The following HOXB1 variants were observed in gnomAD, a reference collection of about 807,000 sequenced individuals.
HOXB1 encodes the protein homeobox protein Hox-B1.
A neutral mutation model predicts 26.9 loss-of-function variants in HOXB1; 13 were observed. The ratio of observed to expected loss-of-function variants is 0.48; its 90% CI spans 0.31 to 0.77. HOXB1 has a LOEUF of 0.77. HOXB1 is among the 30% of genes least tolerant of loss of function. The pLI, the probability that HOXB1 is intolerant of heterozygous loss-of-function variation, is 0.04. For synonymous variants in HOXB1, 168 were observed against 170.8 expected (o/e 0.98, Z 0.13); for missense variants, 366 against 403.6 (o/e 0.91, Z 0.80).
intron 1 of HOXB1, 100 bp from the exon 2 acceptor site, chr17:48,529,975 T>G: frequency 1.9e-6 from 2 of 1,049,682 alleles, no homozygotes; most frequent in Non-Finnish European, 2.8e-6. Flanking sequence ...CATTTGCCAT[T>G]CTGCCCAAGT....
chr17:48,529,987 C>T, intron 1 of HOXB1, 112 bp from the exon 2 acceptor site: 1 of 979,552 alleles, frequency 1.0e-6, no homozygotes, highest in Non-Finnish European at 1.5e-6. Flanking sequence ...TGCCCAAGTA[C>T]AGTTGTCAAA....
chr17:48,530,239 G>A lies in HOXB1; in HGVS notation c.577+89C>T. The stretch of plus-strand genomic sequence containing the variant: ...GTCTACCAGAGCCGCTGAAAGAGAA[G>A]AACCCAGCCCAGACCCAGGACATGT... On this transcript the variant is annotated intron_variant, in intron 1 of 1. Coordinates refer to ENST00000239174, the MANE Select transcript of HOXB1 (RefSeq NM_002144.4). The surrounding 1 kb of genome is among the most constrained non-coding windows in gnomAD (Gnocchi z 6.2). 1 of 1,204,912 alleles carries A rather than the reference G, an allele frequency of 8.3e-7. No homozygotes were observed. Among genetic ancestry groups the A allele is most frequent in the Non-Finnish European group, 1.2e-6 (1 of 839,520 alleles). The allele number at this position is 1,204,912 out of a possible 1,614,324, so 74.6% of individuals were successfully genotyped here.
rs1449283195 is a variant in HOXB1, at chr17:48,530,983, C to T, written c.-79G>A. ...ACAACCTTTCGGCAGTATGTCACAGCGCTGGGGCTCGAATCCATGGCCTGA... is the reference window on the plus strand; with the variant it reads ...ACAACCTTTCGGCAGTATGTCACAGTGCTGGGGCTCGAATCCATGGCCTGA... On this transcript the variant is annotated 5_prime_UTR_variant, in exon 1 of 2. Coordinates refer to ENST00000239174, the MANE Select transcript of HOXB1 (RefSeq NM_002144.4). This position sits in a 1 kb window ranked among gnomAD's most constrained non-coding sequence, Gnocchi z 6.2. 2 of 1,027,106 alleles carry T rather than the reference C, an allele frequency of 1.9e-6. No homozygotes were observed. Among genetic ancestry groups the T allele is most frequent in the East Asian group, 2.5e-5 (1 of 40,570 alleles). 63.6% of individuals were successfully genotyped at this position (1,027,106 alleles called of 1,614,324 possible). A position where few individuals can be genotyped will look rare whatever the true frequency, so the allele number is the denominator to read the frequency against.
Position 48,530,819 on chromosome 17 carries a change from G to A in HOXB1, c.86C>T (p.Thr29Ile), listed in dbSNP as rs753115367. 2.2e-6 allele frequency: 3 copies of A among 1,379,598 alleles called. No individual in the cohort carries two copies. The highest frequency in any genetic ancestry group is 2.9e-5 in the African/African-American group (2 of 69,592). 85.5% of individuals were successfully genotyped at this position (1,379,598 alleles called of 1,614,324 possible). The part of the protein sequence containing the change: ...PSAYSAHSAP[T>I]SFPPSSAQAV... ...CTGAGCCGAGCTTGGGGGAAAGGAG[G>A]TTGGGGCGCTGTGGGCGCTGTAGGC... is the stretch of plus-strand genomic sequence containing the variant. The change falls in exon 1 of 2, where the codon ACC (threonine) becomes ATC (isoleucine). Residue 29 changes from threonine (T) to isoleucine (I), a missense_variant. Coordinates refer to ENST00000239174, the MANE Select transcript of HOXB1 (RefSeq NM_002144.4). The surrounding 1 kb of genome is among the most constrained non-coding windows in gnomAD (Gnocchi z 6.2).
Position 48,530,852 on chromosome 17 carries a change from C to G in HOXB1, c.53G>C (p.Gly18Ala). 6.9e-7 allele frequency: 1 copy of G among 1,454,414 alleles called. No homozygotes were observed. Among genetic ancestry groups the G allele is most frequent in the Non-Finnish European group, 9.4e-7 (1 of 1,069,094 alleles). 90.1% of individuals were successfully genotyped at this position (1,454,414 alleles called of 1,614,324 possible). The change falls in exon 1 of 2, where the codon GGA becomes GCA. Residue 18 changes from glycine (G) to alanine (A), a missense_variant. Physicochemically the swap from Gly to Ala is moderately conservative, Grantham distance 60. Transcript: ENST00000239174. The surrounding 1 kb of genome is among the most constrained non-coding windows in gnomAD (Gnocchi z 6.2). Reference protein sequence around the residue: ...SFLEYPLCNRGPSAYSAHSAP... With the variant: ...SFLEYPLCNRAPSAYSAHSAP... ...GCTGTGGGCGCTGTAGGCGCTGGGTCCCCGGTTACAGAGTGGGTACTCTAA... is the reference window on the plus strand; with the variant it reads ...GCTGTGGGCGCTGTAGGCGCTGGGTGCCCGGTTACAGAGTGGGTACTCTAA...
rs1035100126 is a variant in HOXB1 at position 48,530,967 on chromosome 17, C to A, written c.-63G>T. ...GACACCCTCTTGCCCTACAACCTTTCGGCAGTATGTCACAGCGCTGGGGCT... is the reference window on the plus strand; with the variant it reads ...GACACCCTCTTGCCCTACAACCTTTAGGCAGTATGTCACAGCGCTGGGGCT... On this transcript the variant is annotated 5_prime_UTR_variant, in exon 1 of 2. Transcript: ENST00000239174. The surrounding 1 kb of genome is among the most constrained non-coding windows in gnomAD (Gnocchi z 6.2). 2 of 1,216,444 alleles carry A rather than the reference C, an allele frequency of 1.6e-6. No homozygotes were observed. Among genetic ancestry groups the A allele is most frequent in the African/African-American group, 1.5e-5 (1 of 65,962 alleles). The allele number at this position is 1,216,444 out of a possible 1,614,324, so 75.4% of individuals were successfully genotyped here.
rs1354583758 is a variant in HOXB1 at position 48,530,436 on chromosome 17, C to A, written c.469G>T (p.Ala157Ser). 1.2e-6 allele frequency: 2 copies of A among 1,614,156 alleles called. No homozygotes were observed. Among genetic ancestry groups the A allele is most frequent in the Admixed American group, 3.3e-5 (2 of 60,022 alleles). Residue 157 changes from alanine to serine, a missense_variant, in exon 1 of 2, where the codon GCT becomes TCT. Coordinates refer to ENST00000239174, the MANE Select transcript of HOXB1 (RefSeq NM_002144.4). This position sits in a 1 kb window ranked among gnomAD's most constrained non-coding sequence, Gnocchi z 6.2. ...EQTASFAPAY[A>S]DLLSEDKETP... The stretch of plus-strand genomic sequence containing the variant: ...TCCTTGTCCTCGGAGAGGAGATCAG[C>A]ATAGGCCGGTGCAAAGCTCGCGGTC...
rs745957228 is a variant in HOXB1 at position 48,529,638 on chromosome 17, G to A, written c.815C>T (p.Pro272Leu). ...AGCTGCCTCCTTGGGGCAGCCTGGTGGGGCTGGGGGGACCCGACCTTCCTC... is the reference window on the plus strand; with the variant it reads ...AGCTGCCTCCTTGGGGCAGCCTGGTAGGGCTGGGGGGACCCGACCTTCCTC... ...EREEGRVPPAPPGCPKEAAGD... is the reference protein window; with the variant it reads ...EREEGRVPPALPGCPKEAAGD... The change falls in exon 2 of 2, where the codon CCA (proline) becomes CTA (leucine). Residue 272 changes from proline (P) to leucine (L), a missense_variant. Transcript: ENST00000239174. 2.5e-6 allele frequency: 4 copies of A among 1,605,100 alleles called. No homozygotes were observed.
rs1442719109 is a variant in HOXB1, at chr17:48,528,542, C to G, written c.*1005G>C. On this transcript the variant is annotated 3_prime_UTR_variant, in exon 2 of 2. Transcript: ENST00000239174. Reference sequence around the variant, plus strand: ...AGGCAGGAAGAAGGGAAAACACAGACTTTATTGAAATGAGGTAGTTGCAGG... The same window carrying G: ...AGGCAGGAAGAAGGGAAAACACAGAGTTTATTGAAATGAGGTAGTTGCAGG... 2 of 152,368 alleles carry G rather than the reference C, an allele frequency of 1.3e-5. No homozygotes were observed. The highest frequency in any genetic ancestry group is 1.3e-4 in the Admixed American group (2 of 15,268). The allele number at this position is 152,368 out of a possible 1,614,324, so 9.4% of individuals were successfully genotyped here. A position where few individuals can be genotyped will look rare whatever the true frequency, so the allele number is the denominator to read the frequency against.
rs1410553376 is a variant in HOXB1, at chr17:48,530,851, T to A, written c.54A>T (p.Gly18=). Residue 18 remains glycine, a synonymous_variant, in exon 1 of 2, where the codon GGA becomes GGT. Transcript: ENST00000239174. This position sits in a 1 kb window ranked among gnomAD's most constrained non-coding sequence, Gnocchi z 6.2. Reference sequence around the variant, plus strand: ...CGCTGTGGGCGCTGTAGGCGCTGGGTCCCCGGTTACAGAGTGGGTACTCTA... The same window carrying A: ...CGCTGTGGGCGCTGTAGGCGCTGGGACCCCGGTTACAGAGTGGGTACTCTA... ...SFLEYPLCNR[G]PSAYSAHSAP... is the part of the protein sequence containing the mutation. 1 of 1,422,166 alleles carries A rather than the reference T, an allele frequency of 7.0e-7. No homozygotes were observed. The highest frequency in any genetic ancestry group is 2.1e-5 in the Admixed American group (1 of 48,050). The allele number at this position is 1,422,166 out of a possible 1,614,324, so 88.1% of individuals were successfully genotyped here.
Position 48,530,566 on chromosome 17 carries a change from G to C in HOXB1, c.339C>G (p.Pro113=). 6.2e-7 allele frequency: 1 copy of C among 1,614,116 alleles called. No individual in the cohort carries two copies. Among genetic ancestry groups the C allele is most frequent in the East Asian group, 2.2e-5 (1 of 44,866 alleles). ...CCCCTAGCTGGGCCCCGTAGCTCGA[G>C]GGATGAAAATAGCCTCCGTCTCCTT... is the stretch of plus-strand genomic sequence containing the variant. The part of the protein sequence containing the change: ...QSEGDGGYFH[P]SSYGAQLGGL... The change falls in exon 1 of 2, where the codon CCC becomes CCG. Residue 113 remains proline (P), a synonymous_variant. Coordinates refer to ENST00000239174, the MANE Select transcript of HOXB1 (RefSeq NM_002144.4). The surrounding 1 kb of genome is among the most constrained non-coding windows in gnomAD (Gnocchi z 6.2).
At position 48,530,188 on chromosome 17, in the gene HOXB1, G is replaced by A. The variant is rs1234362704; in HGVS notation, c.577+140C>T. On this transcript the variant is annotated intron_variant, in intron 1 of 1. Transcript: ENST00000239174. The surrounding 1 kb of genome is among the most constrained non-coding windows in gnomAD (Gnocchi z 6.2). ...TGGGTGGGGAGACCTCACCTGACCT[G>A]AGACGTAGGTTGTGCTCTTACCTGT... The A allele has an allele frequency of 5.3e-6, 4 of 755,534 alleles. No homozygotes were observed. Among genetic ancestry groups the A allele is most frequent in the Non-Finnish European group, 8.8e-6 (4 of 452,518 alleles). 46.8% of individuals were successfully genotyped at this position (755,534 alleles called of 1,614,324 possible).
At position 48,530,926 on chromosome 17, in the gene HOXB1, C is replaced by G. The variant is rs373675016; in HGVS notation, c.-22G>C. Reference sequence around the variant, plus strand: ...CCATGCGTCAAGGCCGCAGGAGGGTCGGCCCGTTTGGGGGAGACACCCTCT... The same window carrying G: ...CCATGCGTCAAGGCCGCAGGAGGGTGGGCCCGTTTGGGGGAGACACCCTCT... On this transcript the variant is annotated 5_prime_UTR_variant, in exon 1 of 2. Coordinates refer to ENST00000239174, the MANE Select transcript of HOXB1 (RefSeq NM_002144.4). The surrounding 1 kb of genome is among the most constrained non-coding windows in gnomAD (Gnocchi z 6.2). 2.7e-6 allele frequency: 4 copies of G among 1,489,072 alleles called. No individual in the cohort carries two copies. The South Asian group carries it at 5.4e-5, about 20-fold the overall frequency. 92.2% of individuals were successfully genotyped at this position (1,489,072 alleles called of 1,614,324 possible).
intron 1 of HOXB1, 51 bp from the exon 2 acceptor site, chr17:48,529,926 CCTT>C (rs764291543): frequency 7.5e-5 from 107 of 1,433,520 alleles, no homozygotes; most frequent in Non-Finnish European, 9.2e-5. Context: ...ACCTCTTTCT[CCTT>C]CCGCTTCCCT....
In HOXB1 at chr17:48,529,755, C is replaced by T; in HGVS notation, c.698G>A (p.Arg233Lys). 1 of 1,610,710 alleles carries T rather than the reference C, an allele frequency of 6.2e-7. No individual in the cohort carries two copies. Among genetic ancestry groups the T allele is most frequent in the Non-Finnish European group, 8.5e-7 (1 of 1,179,958 alleles). ...CTCCAGGGTGGCGGCAATCTCCACC[C>T]TCCGGGCCCGGCTCAGGTACTTGTT... ...HFNKYLSRAR[R>K]VEIAATLELN... Residue 233 changes from arginine (R) to lysine (K), a missense_variant, in exon 2 of 2, where the codon AGG becomes AAG. Arg to Lys is a conservative substitution (Grantham distance 26, BLOSUM62 2). Coordinates refer to ENST00000239174, the MANE Select transcript of HOXB1 (RefSeq NM_002144.4).
In HOXB1 at chr17:48,530,527, G is replaced by C; in HGVS notation, c.378C>G (p.Gly126=). Residue 126 remains glycine, a synonymous_variant, in exon 1 of 2, where the codon GGC becomes GGG. Coordinates refer to ENST00000239174, the MANE Select transcript of HOXB1 (RefSeq NM_002144.4). This position sits in a 1 kb window ranked among gnomAD's most constrained non-coding sequence, Gnocchi z 6.2. ...CCGGACCGGCTCCACCTGCTCCGTA[G>C]CCATCGGACAAGCCCCCTAGCTGGG... ...YGAQLGGLSD[G]YGAGGAGPGP... is the part of the protein sequence containing the mutation. 2 of 1,614,102 alleles carry C rather than the reference G, an allele frequency of 1.2e-6. No homozygotes were observed. Among genetic ancestry groups the C allele is most frequent in the Non-Finnish European group, 1.7e-6 (2 of 1,179,984 alleles).
Position 48,530,272 on chromosome 17 carries a change from G to A in HOXB1, c.577+56C>T. The A allele has an allele frequency of 6.9e-7, 1 of 1,455,442 alleles. No individual in the cohort carries two copies. The highest frequency in any genetic ancestry group is 1.9e-5 in the Admixed American group (1 of 53,468). 90.2% of individuals were successfully genotyped at this position (1,455,442 alleles called of 1,614,324 possible). ...CCCAGACCCAGGACATGTCACTGCAGGGGAAGCAGAGATGCTTTGGGCCCC... is the reference window on the plus strand; with the variant it reads ...CCCAGACCCAGGACATGTCACTGCAAGGGAAGCAGAGATGCTTTGGGCCCC... On this transcript the variant is annotated intron_variant, in intron 1 of 1. Transcript: ENST00000239174. The surrounding 1 kb of genome is among the most constrained non-coding windows in gnomAD (Gnocchi z 6.2).
chr17:48,529,340 G>A lies in HOXB1; in HGVS notation c.*207C>T, dbSNP rs183524862. 2.5e-4 allele frequency: 106 copies of A among 423,874 alleles called. No homozygotes were observed. The highest frequency in any genetic ancestry group is 1.9e-3 in the African/African-American group (93 of 49,600). The allele number at this position is 423,874 out of a possible 1,614,324, so 26.3% of individuals were successfully genotyped here. A position where few individuals can be genotyped will look rare whatever the true frequency, so the allele number is the denominator to read the frequency against. ...CAGGTTCCATGCCTCCCAGGCCTCT[G>A]GTCCTGTAGGGCCCCCAGCCACCCA... is the stretch of plus-strand genomic sequence containing the variant. On this transcript the variant is annotated 3_prime_UTR_variant, in exon 2 of 2. Coordinates refer to ENST00000239174, the MANE Select transcript of HOXB1 (RefSeq NM_002144.4).
chr17:48,530,332 C>G lies in HOXB1; in HGVS notation c.573G>C (p.Lys191Asn). Residue 191 changes from lysine to asparagine, a missense_variant, in exon 1 of 2, where the codon AAG becomes AAC. Physicochemically the swap from Lys to Asn is moderately conservative, Grantham distance 94 (BLOSUM62 0). Transcript: ENST00000239174. The surrounding 1 kb of genome is among the most constrained non-coding windows in gnomAD (Gnocchi z 6.2). Reference sequence around the variant, plus strand: ...GTGGCCACATCTGAGCCCTACCTGTCTTGGGTGGGTTTCTCTTAACCTTCA... The same window carrying G: ...GTGGCCACATCTGAGCCCTACCTGTGTTGGGTGGGTTTCTCTTAACCTTCA... ...DWMKVKRNPP[K>N]TAKVSEPGLG... The G allele has an allele frequency of 6.2e-7, 1 of 1,613,438 alleles. No homozygotes were observed.
Sources: allele counts gnomAD v4.1 joint callset, GRCh38; gene constraint gnomAD v4.1.1; non-coding constraint Gnocchi (gnomAD v3.1); transcripts MANE v1.5; gene names NCBI Gene and HGNC (gene_info 2026-07-23, HGNC 2026-07-21).